The following PEX1 variants were observed in gnomAD, a reference collection of about 807,000 sequenced individuals.
PEX1 encodes peroxisomal biogenesis factor 1.
PEX1 carries 97 observed loss-of-function variants against 152.5 expected under a neutral mutation model. The ratio of observed to expected loss-of-function variants is 0.64; its 90% CI spans 0.54 to 0.75. The LOEUF (loss-of-function observed/expected upper bound fraction) is 0.75. PEX1 is among the 30% of genes least tolerant of loss of function. PEX1 has a pLI of 0.00. For missense variants in PEX1, 1,357 were observed against 1,516.3 expected (o/e 0.89, Z 1.74); for synonymous variants, 485 against 531.6 (o/e 0.91, Z 1.21).
chr7:92,505,422 A>AAG (rs1792144627), intron 11 of PEX1, among the ~76,000 whole-genome samples: 1 of 151,430 alleles, frequency 6.6e-6, no homozygotes, highest in South Asian at 2.1e-4. Flanking sequence ...CAAAAAAAAA[A>AAG]AAAAAGAAAA....
chr7:92,506,534 A>C (rs1792200113), intron 10 of PEX1, 190 bp from the exon 11 acceptor site: 1 of 589,698 alleles, frequency 1.7e-6, no homozygotes, highest in Non-Finnish European at 3.0e-6. Flanking sequence ...AACCAGACAA[A>C]GACAACACAA....
In PEX1 at chr7:92,487,502, T is replaced by C; in HGVS notation, c.3807A>G (p.Gln1269=). Residue 1269 remains glutamine, a synonymous_variant, in exon 24 of 24, where the codon CAA becomes CAG. Transcript: ENST00000248633. ...SFQNPKRRKN[Q]SGTMFRPGQK... ...GTCCAGGTCGAAACATTGTTCCACT[T>C]TGATTTTTTCTCCTCTTTGGATTTT... 1 of 1,596,332 alleles carries C rather than the reference T, an allele frequency of 6.3e-7. No homozygotes were observed. The highest frequency in any genetic ancestry group is 8.6e-7 in the Non-Finnish European group (1 of 1,166,116).
At chr7:92,522,369 C>T in intron 1 of PEX1, 124 bp from the exon 2 acceptor site, 1 of 923,840 alleles carries the variant, frequency 1.1e-6, no homozygotes, top group Non-Finnish European at 1.7e-6. Context: ...TCTCTGTTAT[C>T]TACATTTGTT....
intron 21 of PEX1, chr7:92,490,223 T>C (rs935272108): frequency 5.8e-6 from 2 of 343,964 alleles, no homozygotes; most frequent in Non-Finnish European, 5.3e-6. Flanking sequence ...AAAGTAAAGT[T>C]ATACTAAGTT....
chr7:92,494,720 GTATTTATATA>G lies in PEX1; in HGVS notation c.2784-101_2784-92del, dbSNP rs1470159386. ...ACATATATGAATGTATTTATTTTAT[GTATTTATATA>G]TATTTATATACTTCTTTTAATTTTT... On this transcript the variant is annotated intron_variant, in intron 17 of 23. Transcript: ENST00000248633. 35 of 943,354 alleles carry G rather than the reference GTATTTATATA, an allele frequency of 3.7e-5. No individual in the cohort carries two copies. In the Admixed American group the frequency reaches 9.0e-4, roughly 24 times the overall value. The allele number at this position is 943,354 out of a possible 1,614,324, so 58.4% of individuals were successfully genotyped here.
intron 1 of PEX1, among the ~76,000 whole-genome samples, chr7:92,524,834 C>G (rs999048457): frequency 6.6e-6 from 1 of 152,086 alleles, no homozygotes; most frequent in Admixed American, 6.5e-5. Flanking sequence ...TGAGCTATTA[C>G]AAGAATGAAG....
intron 12 of PEX1, 151 bp from the exon 13 acceptor site, chr7:92,503,346 C>T (rs1009031140): frequency 1.4e-6 from 1 of 698,776 alleles, no homozygotes; most frequent in Non-Finnish European, 2.4e-6. Context: ...AAAATGAATC[C>T]ATCTAGTTAT....
chr7:92,521,166 T>C (rs1793033659), intron 2 of PEX1, among the ~76,000 whole-genome samples: 1 of 152,136 alleles, frequency 6.6e-6, no homozygotes, highest in Non-Finnish European at 1.5e-5. Flanking sequence ...CTTGCTATGT[T>C]GCCTAGCCAG....
intron 11 of PEX1, among the ~76,000 whole-genome samples, chr7:92,506,001 C>T (rs181423750): frequency 1.3e-3 from 198 of 151,880 alleles, no homozygotes; most frequent in Middle Eastern, 6.8e-3. Flanking sequence ...TGTCAGTGAG[C>T]ACTTCCAGAA....
intron 5 of PEX1, among the ~76,000 whole-genome samples, chr7:92,516,000 A>G (rs542408525): frequency 1.6e-5 from 2 of 122,978 alleles, no homozygotes; most frequent in African/African-American, 7.6e-5. Context: ...ACTCAAAAAA[A>G]GAAAAGAAAA....
rs761455002 is a variant in PEX1, at chr7:92,522,248, A to G, written c.130-3T>C. On this transcript the variant is annotated splice_polypyrimidine_tract_variant and splice_region_variant and intron_variant, in intron 1 of 23. Transcript: ENST00000248633. ...CAGACCACTTCTATAGCTTGATTCT[A>G]TTCATATAAGAAATGAGAGGAAAAA... The G allele has an allele frequency of 5.0e-6, 8 of 1,613,860 alleles. No individual in the cohort carries two copies. The highest frequency in any genetic ancestry group is 6.8e-6 in the Non-Finnish European group (8 of 1,179,904).
Position 92,492,935 on chromosome 7 carries a change from C to A in PEX1, c.3207+18G>T, listed in dbSNP as rs1791423904. ...TATCACTCATAAAATGTCATAACAA[C>A]TTCCTCATATAACTTGCCTGGAGTC... On this transcript the variant is annotated intron_variant, in intron 20 of 23. Coordinates refer to ENST00000248633, the MANE Select transcript of PEX1 (RefSeq NM_000466.3). The A allele has an allele frequency of 1.3e-6, 2 of 1,597,550 alleles. No homozygotes were observed. Among genetic ancestry groups the A allele is most frequent in the African/African-American group, 2.7e-5 (2 of 74,568 alleles).
chr7:92,507,035 C>T lies in PEX1; in HGVS notation c.1762G>A (p.Ala588Thr), dbSNP rs764790683. The change falls in exon 10 of 24, where the codon GCA becomes ACA. Residue 588 changes from alanine to threonine, a missense_variant. By Grantham distance (58) the Ala-to-Thr change is moderately conservative. Coordinates refer to ENST00000248633, the MANE Select transcript of PEX1 (RefSeq NM_000466.3). ...PLSRQLMSLV[A>T]GLRNGALLLT... is the part of the protein sequence containing the mutation. ...AAAAGAGCTCCATTCCTAAGTCCTG[C>T]AACAAGAGACATCAGCTGCCGAGAC... is the stretch of plus-strand genomic sequence containing the variant. The T allele has an allele frequency of 1.2e-6, 2 of 1,613,972 alleles. No individual in the cohort carries two copies. Among genetic ancestry groups the T allele is most frequent in the East Asian group, 2.2e-5 (1 of 44,892 alleles).
In PEX1 at chr7:92,522,106, C is replaced by T. The variant is rs773302308; in HGVS notation, c.269G>A (p.Gly90Glu). The change falls in exon 2 of 24, where the codon GGA becomes GAA. Residue 90 changes from glycine to glutamate, a missense_variant. Gly to Glu is a moderately conservative substitution (Grantham distance 98). Coordinates refer to ENST00000248633, the MANE Select transcript of PEX1 (RefSeq NM_000466.3). Reference sequence around the variant, plus strand: ...ATTGCCATCACATGTGCTTACCTGTCCCCCATTTGAGAGTCCAAGTTTTTG... The same window carrying T: ...ATTGCCATCACATGTGCTTACCTGTTCCCCATTTGAGAGTCCAAGTTTTTG... ...VGQKLGLSNG[G>E]QVFLKPCSHV... 1 of 1,613,896 alleles carries T rather than the reference C, an allele frequency of 6.2e-7. No homozygotes were observed. The highest frequency in any genetic ancestry group is 2.2e-5 in the East Asian group (1 of 44,866).
Position 92,516,045 on chromosome 7 carries a change from AGAGAAGAGAAAAAAG to A in PEX1, c.1239+1216_1239+1230del, listed in dbSNP as rs1348403001. On this transcript the variant is annotated intron_variant, in intron 5 of 23. Transcript: ENST00000248633. ...AGAGAAGAGAAGAGAAGAGAAGAGAAGAGAAGAGAAAAAAGAAAAGAAAAGAAAAGAAAAGAAAAG... is the reference window on the plus strand; with the variant it reads ...AGAGAAGAGAAGAGAAGAGAAGAGAAAAAAGAAAAGAAAAGAAAAGAAAAG... 8.7e-3 allele frequency among the ~76,000 whole-genome samples: 865 copies of A among 99,196 alleles called. 3 individuals are homozygous for A. The highest frequency in any genetic ancestry group is 0.015 in the South Asian group (41 of 2,784). The allele number at this position is 99,196 out of a possible 152,430, so 65.1% of individuals were successfully genotyped here.
At position 92,501,894 on chromosome 7, in the gene PEX1, T is replaced by C. The variant is rs1362565257; in HGVS notation, c.2412A>G (p.Arg804=). 2 of 1,612,792 alleles carry C rather than the reference T, an allele frequency of 1.2e-6. No individual in the cohort carries two copies. The highest frequency in any genetic ancestry group is 1.7e-6 in the Non-Finnish European group (2 of 1,178,834). The change falls in exon 14 of 24, where the codon AGA becomes AGG. Residue 804 remains arginine, a synonymous_variant. Coordinates refer to ENST00000248633, the MANE Select transcript of PEX1 (RefSeq NM_000466.3). ...GGTTTTAATAGTAAAACATACTTTC[T>C]CTGGTGGATATACTCTGACGAGAGA... is the stretch of plus-strand genomic sequence containing the variant. ...SRLSRQSIST[R]EKLVLTTLDF...
intron 1 of PEX1, among the ~76,000 whole-genome samples, chr7:92,522,576 G>C (rs569115334): frequency 5.0e-4 from 76 of 152,206 alleles, no homozygotes; most frequent in Non-Finnish European, 7.1e-4. Flanking sequence ...CCCAATTAAC[G>C]ATTCAAAGAA....
chr7:92,528,276 A>T (rs1289898943), intron 1 of PEX1, 31 bp downstream of exon 1: 1 of 1,548,472 alleles, frequency 6.5e-7, no homozygotes, highest in Non-Finnish European at 8.7e-7. Context: ...CCCCAGGCTG[A>T]AGATCAGGTG....
At chr7:92,522,810 TTTAC>T (rs894807887) in intron 1 of PEX1, among the ~76,000 whole-genome samples, 19 of 152,306 alleles carry the variant, frequency 1.2e-4, no homozygotes, top group African/African-American at 4.1e-4. Context: ...TCCATATTTA[TTTAC>T]TTATTTATTG....
Sources: gnomAD v4.1 joint callset for allele counts (sites outside exome capture counted in the v4.1 genomes callset) on GRCh38, gnomAD v4.1.1 for gene constraint, MANE v1.5 for transcripts, NCBI Gene and HGNC (gene_info 2026-07-23, HGNC 2026-07-21) for gene names.